BABAM2: variants seen among roughly 807,000 people sequenced by gnomAD.
The protein encoded by BABAM2 is BRISC and BRCA1-A complex member 2.
Under a neutral mutation model 54.7 loss-of-function variants are expected in BABAM2, and 31 were observed. The observed-to-expected ratio is 0.57, with a 90% confidence interval of 0.43 to 0.77. The LOEUF is 0.77. BABAM2 is among the 30% of genes least tolerant of loss of function. The pLI is 0.00. For missense variants in BABAM2, 364 were observed against 455.8 expected, an observed-to-expected ratio of 0.80 and a Z score of 1.83; for synonymous variants, 167 against 162.9, an observed-to-expected ratio of 1.03 and a Z score of -0.19.
intron 10 of BABAM2, among the ~76,000 whole-genome samples, chr2:28,260,943 T>TTC (rs1435579743): frequency 1.5e-3 from 15 of 10,186 alleles, no homozygotes; most frequent in Non-Finnish European, 7.0e-3. Flanking sequence ...TTTTCTTTCT[T>TTC]TTTTTTTTTT....
chr2:27,987,858 T>A, intron 3 of BABAM2, 135 bp from the exon 4 acceptor site: 6 of 608,770 alleles, frequency 9.9e-6, no homozygotes, highest in African/African-American at 1.9e-5. Context: ...GAAGAATTAA[T>A]CATCTGGAAA....
chr2:27,900,184 G>A (rs1665669506), intron 2 of BABAM2, among the ~76,000 whole-genome samples: 1 of 152,126 alleles, frequency 6.6e-6, no homozygotes, highest in South Asian at 2.1e-4. Flanking sequence ...TTAACTCGAA[G>A]AGGTATACCC....
chr2:28,202,027 T>A (rs1337312633), intron 7 of BABAM2, among the ~76,000 whole-genome samples: 1 of 152,116 alleles, frequency 6.6e-6, no homozygotes, highest in Admixed American at 6.5e-5. Context: ...GTCAGGAGCA[T>A]CCTTTGCCAG....
intron 6 of BABAM2, among the ~76,000 whole-genome samples, chr2:28,098,395 A>G (rs1666798242): frequency 6.6e-6 from 1 of 152,220 alleles, no homozygotes. Context: ...TTATCCTGCA[A>G]CTTTGCTGAA....
upstream of BABAM2, chr2:27,890,334 A>G (rs747552945): frequency 5.6e-6 from 9 of 1,613,430 alleles, no homozygotes; most frequent in African/African-American, 9.3e-5. The surrounding 1 kb of genome is among the most constrained non-coding windows in gnomAD (Gnocchi z 4.8). Context: ...GGGGTTCCCC[A>G]GACGCCGCCA....
At chr2:27,966,637 TCCCCTCA>T (rs994531320) in intron 3 of BABAM2, among the ~76,000 whole-genome samples, 14 of 152,142 alleles carry the variant, frequency 9.2e-5, no homozygotes, top group African/African-American at 3.1e-4. Flanking sequence ...TCAGTCTTTG[TCCCCTCA>T]CCCCTCATCA....
intron 3 of BABAM2, among the ~76,000 whole-genome samples, chr2:27,962,308 A>G (rs1020066734): frequency 6.6e-6 from 1 of 151,974 alleles, no homozygotes; most frequent in Non-Finnish European, 1.5e-5. Flanking sequence ...GCATTGCTTT[A>G]TTGCCTAGGG....
intron 3 of BABAM2, among the ~76,000 whole-genome samples, chr2:27,974,672 C>T (rs1295149396): frequency 6.6e-6 from 1 of 152,092 alleles, no homozygotes; most frequent in Admixed American, 6.6e-5. Flanking sequence ...AGACTGAATG[C>T]TTTTCTTCTA....
chr2:28,121,060 A>G (rs539141700), intron 6 of BABAM2, among the ~76,000 whole-genome samples: 1 of 152,322 alleles, frequency 6.6e-6, no homozygotes, highest in South Asian at 2.1e-4. Flanking sequence ...CTGCCTTCAT[A>G]AGGGATATCA....
chr2:27,914,786 G>A (rs537928347), intron 2 of BABAM2, among the ~76,000 whole-genome samples: 15 of 152,216 alleles, frequency 9.9e-5, no homozygotes, highest in African/African-American at 2.9e-4. Flanking sequence ...ATATGAACAC[G>A]TACACAGATA....
At chr2:28,248,866 T>A (rs1488636636) in intron 10 of BABAM2, among the ~76,000 whole-genome samples, 1 of 152,110 alleles carries the variant, frequency 6.6e-6, no homozygotes, top group Non-Finnish European at 1.5e-5. Context: ...TTCCTCTACC[T>A]CCAACTTAAC....
chr2:28,066,185 A>AT (rs1200798991), intron 6 of BABAM2, among the ~76,000 whole-genome samples: 1 of 151,088 alleles, frequency 6.6e-6, no homozygotes, highest in Non-Finnish European at 1.5e-5. Flanking sequence ...AAATAAATAA[A>AT]AAATAAAAAA....
intron 10 of BABAM2, among the ~76,000 whole-genome samples, chr2:28,259,879 T>C (rs561102107): frequency 5.3e-5 from 8 of 151,162 alleles, no homozygotes; most frequent in Non-Finnish European, 8.8e-5. Context: ...CAGTTGACCA[T>C]ATAAGTGTAA....
chr2:28,218,277 A>G (rs1344426840), intron 7 of BABAM2, among the ~76,000 whole-genome samples: 1 of 152,220 alleles, frequency 6.6e-6, no homozygotes, highest in Admixed American at 6.5e-5. Context: ...TGTATCATTG[A>G]CACAGTACTA....
chr2:28,047,373 G>C (rs766708349), intron 6 of BABAM2, among the ~76,000 whole-genome samples: 3 of 152,138 alleles, frequency 2.0e-5, no homozygotes, highest in Non-Finnish European at 2.9e-5. Context: ...CTCTCTTTCA[G>C]CTCATTTAGA....
At chr2:28,280,832 A>G (rs1300738369) in intron 10 of BABAM2, among the ~76,000 whole-genome samples, 1 of 152,104 alleles carries the variant, frequency 6.6e-6, no homozygotes, top group East Asian at 1.9e-4. Context: ...TCCAGAAACA[A>G]AGAGATTTCC....
chr2:28,289,514 G>A (rs1230727016), intron 10 of BABAM2, among the ~76,000 whole-genome samples: 3 of 152,290 alleles, frequency 2.0e-5, no homozygotes, highest in Non-Finnish European at 2.9e-5. Flanking sequence ...GTCAGGCCGG[G>A]CACAGAGGCT....
chr2:28,172,880 T>C (rs111331773), intron 7 of BABAM2, among the ~76,000 whole-genome samples: 3 of 152,302 alleles, frequency 2.0e-5, no homozygotes, highest in African/African-American at 7.2e-5. Flanking sequence ...ACTTAAACAA[T>C]AGAAATGTAT....
rs112771813 is a variant in BABAM2 at position 28,322,321 on chromosome 2, G to A, written c.1089-16129G>A. Among the ~76,000 whole-genome samples the A allele has an allele frequency of 0.025, 3,846 of 152,262 alleles. 68 individuals carry two copies. The highest frequency in any genetic ancestry group is 0.051 in the South Asian group (244 of 4,828). On this transcript the variant is annotated intron_variant, in intron 11 of 11. Coordinates refer to ENST00000379624, the MANE Select transcript of BABAM2 (RefSeq NM_199191.3). The surrounding 1 kb of genome is among the most constrained non-coding windows in gnomAD (Gnocchi z 4.1). ...GTGACCACAGAAGTAGACAACTTAC[G>A]AACCAGAAACATCAACCAGCAACCC...
Sources: gnomAD v4.1 joint callset for allele counts (sites outside exome capture counted in the v4.1 genomes callset) on GRCh38, gnomAD v4.1.1 for gene constraint, Gnocchi (gnomAD v3.1) non-coding constraint, MANE v1.5 for transcripts, NCBI Gene and HGNC (gene_info 2026-07-23, HGNC 2026-07-21) for gene names.